Variants in SENP5 observed in about 807,000 individuals in gnomAD.
The protein encoded by SENP5 is sentrin-specific protease 5.
Under a neutral mutation model 74.2 loss-of-function variants are expected in SENP5, and 21 were observed. The ratio of observed to expected loss-of-function variants is 0.28; its 90% CI spans 0.20 to 0.41. The LOEUF (loss-of-function observed/expected upper bound fraction) is 0.41, where lower values mean the gene tolerates loss of function less well. Ranked by LOEUF, SENP5 falls within the 10% of genes least tolerant of loss-of-function variation. The probability of loss-of-function intolerance (pLI) is 1.00; values close to 1 mark genes in which losing one functional copy is unlikely to be tolerated. For missense variants in SENP5, 717 were observed against 889.1 expected, an observed-to-expected ratio of 0.81 and a Z score of 2.46; for synonymous variants, 311 against 312.7, an observed-to-expected ratio of 0.99 and a Z score of 0.06.
intron 1 of SENP5, among the ~76,000 whole-genome samples, chr3:196,883,763 A>G (rs2108814572): frequency 6.6e-6 from 1 of 151,896 alleles, no homozygotes; most frequent in East Asian, 1.9e-4. Context: ...ATCTTGGCTC[A>G]CTGCAACCTC....
intron 2 of SENP5, among the ~76,000 whole-genome samples, chr3:196,893,372 C>T (rs1324002829): frequency 6.6e-6 from 1 of 152,120 alleles, no homozygotes; most frequent in African/African-American, 2.4e-5. Flanking sequence ...GTGTGTATAG[C>T]AAAAGTTAGA....
intron 1 of SENP5, among the ~76,000 whole-genome samples, chr3:196,882,378 A>G (rs980693667): frequency 6.6e-6 from 1 of 152,142 alleles, no homozygotes; most frequent in Non-Finnish European, 1.5e-5. Context: ...CCATTAAGCA[A>G]TAACTCCCTT....
chr3:196,927,689 G>A, intron 7 of SENP5, 107 bp from the exon 8 acceptor site: 1 of 625,966 alleles, frequency 1.6e-6, no homozygotes, highest in Non-Finnish European at 2.8e-6. Flanking sequence ...ATTCTGCCCA[G>A]TTATGGGGCC....
At chr3:196,906,625 G>A (rs1215657094) in intron 6 of SENP5, among the ~76,000 whole-genome samples, 3 of 152,222 alleles carry the variant, frequency 2.0e-5, no homozygotes, top group Non-Finnish European at 4.4e-5. Flanking sequence ...ATAGGGGTAT[G>A]TGAAACATAG....
Position 196,885,782 on chromosome 3 carries a change from C to T in SENP5, c.601C>T (p.Gln201Ter), listed in dbSNP as rs1434354964. Residue 201 changes from glutamine (Q) to a stop codon, truncating the protein, a stop_gained, in exon 2 of 10, where the codon CAA becomes TAA. Coordinates refer to ENST00000323460, the MANE Select transcript of SENP5 (RefSeq NM_152699.5). LOFTEE classifies it high-confidence loss of function. Reference protein sequence around the residue: ...KRKGFCYGCCQGPEHHRNGGP... With the variant: ...KRKGFCYGCC ...AAAGGGCTTTTGTTACGGCTGCTGC[C>T]AAGGGCCGGAGCACCACAGGAATGG... The T allele has an allele frequency of 1.9e-6, 3 of 1,614,204 alleles. No individual in the cohort carries two copies. Among genetic ancestry groups the T allele is most frequent in the Non-Finnish European group, 2.5e-6 (3 of 1,180,040 alleles).
intron 1 of SENP5, among the ~76,000 whole-genome samples, chr3:196,872,667 C>A (rs1713267894): frequency 6.6e-6 from 1 of 152,064 alleles, no homozygotes; most frequent in African/African-American, 2.4e-5. Context: ...CTGCACTATC[C>A]AGTGTGGTAG....
At chr3:196,887,457 G>A (rs893378145) in intron 2 of SENP5, among the ~76,000 whole-genome samples, 1 of 151,584 alleles carries the variant, frequency 6.6e-6, no homozygotes, top group Non-Finnish European at 1.5e-5. Context: ...TGGGATTACA[G>A]GCGTGAGACA....
At chr3:196,884,211 C>T (rs767388579) in intron 1 of SENP5, among the ~76,000 whole-genome samples, 3 of 152,178 alleles carry the variant, frequency 2.0e-5, no homozygotes, top group Non-Finnish European at 2.9e-5. Context: ...AGGGAAGCCA[C>T]GCTCCTCTGT....
chr3:196,924,862 G>A (rs796107167), intron 7 of SENP5, among the ~76,000 whole-genome samples: 30 of 152,284 alleles, frequency 2.0e-4, no homozygotes, highest in African/African-American at 6.7e-4. Context: ...CAAGAGAATA[G>A]CTAAATACAC....
intron 1 of SENP5, among the ~76,000 whole-genome samples, chr3:196,868,339 C>T (rs1379610070): frequency 6.6e-6 from 1 of 152,380 alleles, no homozygotes; most frequent in Middle Eastern, 3.4e-3. Flanking sequence ...GCTGGCGCCC[C>T]CCAGCTCCTC....
Position 196,885,175 on chromosome 3 carries a change from C to T in SENP5, c.-7C>T, listed in dbSNP as rs963945488. On this transcript the variant is annotated 5_prime_UTR_variant, in exon 2 of 10. The change creates a premature stop within an existing upstream ORF in the 5' untranslated region. Transcript: ENST00000323460. Reference sequence around the variant, plus strand: ...GCTGCATCCAGATCTCATTATGCATCAGAAAAATGAAAAAACAGAGGAAAA... The same window carrying T: ...GCTGCATCCAGATCTCATTATGCATTAGAAAAATGAAAAAACAGAGGAAAA... The T allele has an allele frequency of 1.2e-6, 2 of 1,603,948 alleles. No homozygotes were observed. The highest frequency in any genetic ancestry group is 2.7e-5 in the African/African-American group (2 of 74,256).
intron 6 of SENP5, 91 bp downstream of exon 6, chr3:196,903,701 A>G: frequency 1.5e-6 from 1 of 677,910 alleles, no homozygotes. Flanking sequence ...TGCCAATACG[A>G]TGTTAAGTAG....
In SENP5 at chr3:196,931,842, A is replaced by G; in HGVS notation, c.*919A>G. ...GAAGAAGTTAAGGTTTACCAAATGC[A>G]TTTCTATTTCAAGGGTATCTGAAAC... is the stretch of plus-strand genomic sequence containing the variant. On this transcript the variant is annotated 3_prime_UTR_variant, in exon 10 of 10. Coordinates refer to ENST00000323460, the MANE Select transcript of SENP5 (RefSeq NM_152699.5). 2.4e-6 allele frequency: 1 copy of G among 420,602 alleles called. No homozygotes were observed. The highest frequency in any genetic ancestry group is 1.7e-5 in the South Asian group (1 of 58,544). 26.1% of individuals were successfully genotyped at this position (420,602 alleles called of 1,614,324 possible). A position where few individuals can be genotyped will look rare whatever the true frequency, so the allele number is the denominator to read the frequency against.
At position 196,920,173 on chromosome 3, in the gene SENP5, TAGTA is replaced by T. The variant is rs563284606; in HGVS notation, c.1885-3238_1885-3235del. On this transcript the variant is annotated intron_variant, in intron 6 of 9. Transcript: ENST00000323460. ...TTTGGGGAGAATGGACATCTAATAA[TAGTA>T]AGCCTTTCAGTGTATGAACATGGTA... 1.4e-3 allele frequency among the ~76,000 whole-genome samples: 210 copies of T among 152,344 alleles called. 2 individuals are homozygous for T. The highest frequency in any genetic ancestry group is 4.2e-3 in the African/African-American group (173 of 41,586).
chr3:196,891,388 A>G (rs1011114667), intron 2 of SENP5, among the ~76,000 whole-genome samples: 4 of 152,162 alleles, frequency 2.6e-5, no homozygotes, highest in African/African-American at 9.7e-5. Context: ...CACAATCTGA[A>G]TATATTAAAA....
rs1354704462 is a variant in SENP5 at position 196,885,489 on chromosome 3, A to G, written c.308A>G (p.His103Arg). The change falls in exon 2 of 10, where the codon CAC (histidine) becomes CGC (arginine). Residue 103 changes from histidine (H) to arginine (R), a missense_variant. Physicochemically the swap from His to Arg is conservative, Grantham distance 29 (BLOSUM62 0). This residue lies in a region of SENP5 where 567 missense variants were observed against 577.4 expected (regional missense o/e 0.98). Coordinates refer to ENST00000323460, the MANE Select transcript of SENP5 (RefSeq NM_152699.5). ...SSKVKRKDAKHFISSSKTLLR... is the reference protein window; with the variant it reads ...SSKVKRKDAKRFISSSKTLLR... ...AAAGTGAAAAGAAAGGACGCTAAAC[A>G]CTTCATTTCCTCCTCAAAGACTCTC... 5 of 1,614,038 alleles carry G rather than the reference A, an allele frequency of 3.1e-6. No homozygotes were observed. The Admixed American group carries it at 5.0e-5, about 16-fold the overall frequency.
intron 5 of SENP5, among the ~76,000 whole-genome samples, chr3:196,901,202 T>C (rs975511477): frequency 3.3e-5 from 5 of 151,748 alleles, no homozygotes; most frequent in Non-Finnish European, 7.4e-5. Context: ...TGTGCCACCA[T>C]GCCTGGCTAA....
At chr3:196,878,262 T>C (rs1459261940) in intron 1 of SENP5, among the ~76,000 whole-genome samples, 6 of 152,142 alleles carry the variant, frequency 3.9e-5, no homozygotes. Flanking sequence ...ACAGAAAATA[T>C]GAGGAGTTGT....
rs529576579 is a variant in SENP5 at position 196,873,113 on chromosome 3, G to A, written c.-32+5040G>A. Among the ~76,000 whole-genome samples, 4 of 121,936 alleles carry A rather than the reference G, an allele frequency of 3.3e-5. No homozygotes were observed. In the South Asian group the frequency reaches 1.0e-3, roughly 31 times the overall value. The allele number at this position is 121,936 out of a possible 152,430, so 80.0% of individuals were successfully genotyped here. A position where few individuals can be genotyped will look rare whatever the true frequency, so the allele number is the denominator to read the frequency against. On this transcript the variant is annotated intron_variant, in intron 1 of 9. Transcript: ENST00000323460. ...TTTGGAGACGGAGTCTCGCTCTGTTGCCCAGGCTGGAGTGCAGTGGCGTGA... is the reference window on the plus strand; with the variant it reads ...TTTGGAGACGGAGTCTCGCTCTGTTACCCAGGCTGGAGTGCAGTGGCGTGA...
Sources: gnomAD v4.1 joint callset for allele counts (sites outside exome capture counted in the v4.1 genomes callset) on GRCh38, gnomAD v4.1.1 for gene constraint, gnomAD v4.1.1 regional missense constraint, MANE v1.5 for transcripts, NCBI Gene and HGNC (gene_info 2026-07-23, HGNC 2026-07-21) for gene names.